Variants in DRICH1 observed in about 807,000 individuals in gnomAD.
DRICH1 encodes the protein aspartate rich 1, also known as aspartate-rich protein 1.
A neutral mutation model predicts 39.5 loss-of-function variants in DRICH1; 38 were observed. The ratio of observed to expected loss-of-function variants is 0.96; its 90% confidence interval spans 0.74 to 1.26. The LOEUF is 1.26. DRICH1 is among the 50% of genes most tolerant of loss of function. The pLI is 0.00. For missense variants in DRICH1, 279 were observed against 270.4 expected, an observed-to-expected ratio of 1.03 and a Z score of -0.22; for synonymous variants, 84 against 99.5, an observed-to-expected ratio of 0.84 and a Z score of 0.93.
At chr22:23,620,191 C>T (rs960343767) in intron 5 of DRICH1, among the ~76,000 whole-genome samples, 33 of 152,138 alleles carry the variant, frequency 2.2e-4, no homozygotes, top group Non-Finnish European at 3.2e-4. Flanking sequence ...TTTTTACACC[C>T]TCCCTCACCT....
At chr22:23,598,111 GC>G in the DRICH1 span, among the ~76,000 whole-genome samples, 1 of 149,612 alleles carries the variant, frequency 6.7e-6, no homozygotes, top group African/African-American at 2.5e-5. Flanking sequence ...CCTTGGCCTG[GC>G]CCCCACCCTA....
downstream of DRICH1, among the ~76,000 whole-genome samples, chr22:23,603,717 C>A (rs183679900): frequency 1.3e-5 from 2 of 152,220 alleles, no homozygotes; most frequent in African/African-American, 4.8e-5. Context: ...AGAGGGGGGA[C>A]CCCCTCCCCC....
chr22:23,585,603 C>A, the DRICH1 span, among the ~76,000 whole-genome samples: 1 of 152,044 alleles, frequency 6.6e-6, no homozygotes, highest in Admixed American at 6.5e-5. Flanking sequence ...CTGCAGTCTC[C>A]AACTCCTAGG....
the DRICH1 span, among the ~76,000 whole-genome samples, chr22:23,595,600 T>C: frequency 5.9e-5 from 9 of 152,264 alleles, no homozygotes; most frequent in Non-Finnish European, 8.8e-5. Context: ...CTAATCTTTC[T>C]AGGTGGCTTC....
At chr22:23,581,383 G>C in the DRICH1 span, 1 of 152,270 alleles carries the variant, frequency 6.6e-6, no homozygotes, top group South Asian at 2.1e-4. Flanking sequence ...ACCTGTGCTG[G>C]GCGGCCAGGG....
chr22:23,584,806 C>G, the DRICH1 span, among the ~76,000 whole-genome samples: 1 of 151,890 alleles, frequency 6.6e-6, no homozygotes, highest in Non-Finnish European at 1.5e-5. Flanking sequence ...AAACAACAGT[C>G]TTTTTTTTGA....
At chr22:23,624,344 A>G (rs1271098759) in intron 3 of DRICH1, 6 of 985,100 alleles carry the variant, frequency 6.1e-6, no homozygotes, top group Non-Finnish European at 7.2e-6. Context: ...TAAAGCAAGA[A>G]GAAATGATCA....
intron 3 of DRICH1, chr22:23,624,214 T>C: frequency 4.1e-6 from 4 of 985,450 alleles, no homozygotes; most frequent in South Asian, 9.4e-5. Context: ...AGAAGAATTC[T>C]GTCTCCAGGA....
chr22:23,630,626 G>A (rs1038711511), intron 1 of DRICH1: 1 of 152,174 alleles, frequency 6.6e-6, no homozygotes, highest in African/African-American at 2.4e-5. Flanking sequence ...CTGGGCATGC[G>A]GGTCCACATT....
the DRICH1 span, among the ~76,000 whole-genome samples, chr22:23,595,315 C>T: frequency 6.7e-6 from 1 of 149,416 alleles, no homozygotes; most frequent in Non-Finnish European, 1.5e-5. Flanking sequence ...CTAACCCTTA[C>T]TGTGTCTTCT....
chr22:23,589,380 G>A, the DRICH1 span, among the ~76,000 whole-genome samples: 1 of 151,988 alleles, frequency 6.6e-6, no homozygotes, highest in African/African-American at 2.4e-5. Context: ...GAGCCCAAGA[G>A]CTCGAGGCTG....
the DRICH1 span, among the ~76,000 whole-genome samples, chr22:23,582,105 G>A: frequency 1.7e-3 from 250 of 148,982 alleles, 3 homozygotes; most frequent in East Asian, 0.019. Flanking sequence ...TCAGCCTCCT[G>A]AGTAGCTGGG....
chr22:23,598,720 G>A, the DRICH1 span, among the ~76,000 whole-genome samples: 1 of 152,242 alleles, frequency 6.6e-6, no homozygotes, highest in Non-Finnish European at 1.5e-5. Context: ...CCCCGAAATG[G>A]GGTCAGAGCT....
rs185477602 is a variant in DRICH1, at chr22:23,625,365, G to C, written c.277-461C>G. 5.6e-3 allele frequency among the ~76,000 whole-genome samples: 845 copies of C among 152,116 alleles called. 4 individuals carry two copies. The highest frequency in any genetic ancestry group is 8.9e-3 in the Non-Finnish European group (604 of 68,016). On this transcript the variant is annotated intron_variant, in intron 2 of 11. Transcript: ENST00000317749. ...AGGTGAAGGAAATAATGTATACAGT[G>C]GTCCATTTTTAACACAAACTGTCTT...
At chr22:23,583,100 T>C in the DRICH1 span, 1 of 152,198 alleles carries the variant, frequency 6.6e-6, no homozygotes, top group Non-Finnish European at 1.5e-5. Flanking sequence ...ACGGGAGGGA[T>C]GGTGAGGGTT....
chr22:23,609,196 C>G (rs920678426), intron 11 of DRICH1, among the ~76,000 whole-genome samples: 4 of 152,136 alleles, frequency 2.6e-5, no homozygotes, highest in Admixed American at 1.3e-4. Flanking sequence ...GCTATAAGCC[C>G]ACACTATGGA....
downstream of DRICH1, among the ~76,000 whole-genome samples, chr22:23,607,916 G>A (rs932205042): frequency 1.3e-5 from 2 of 152,234 alleles, no homozygotes; most frequent in African/African-American, 4.8e-5. Flanking sequence ...CAGCAGGGGA[G>A]CTTTGGCCCC....
At chr22:23,627,803 G>GGT in intron 1 of DRICH1, among the ~76,000 whole-genome samples, 1 of 152,246 alleles carries the variant, frequency 6.6e-6, no homozygotes, top group African/African-American at 2.4e-5. Context: ...CTCCAGGATT[G>GGT]GTGTAGGGCT....
chr22:23,582,202 C>T, the DRICH1 span, among the ~76,000 whole-genome samples: 45 of 151,514 alleles, frequency 3.0e-4, 1 homozygote, highest in African/African-American at 1.1e-3. Flanking sequence ...TGGTCTCAAA[C>T]TCCTGACCTC....
Sources: gnomAD v4.1 joint callset for allele counts (sites outside exome capture counted in the v4.1 genomes callset) on GRCh38, gnomAD v4.1.1 for gene constraint, MANE v1.5 for transcripts, NCBI Gene and HGNC (gene_info 2026-07-23, HGNC 2026-07-21) for gene names.